The following SENP7 variants were observed in gnomAD, a reference collection of about 807,000 sequenced individuals.
SENP7 encodes sentrin-specific protease 7.
SENP7 carries 64 observed loss-of-function variants against 141.2 expected under a neutral mutation model. The observed-to-expected ratio is 0.45, with a 90% confidence interval of 0.37 to 0.56. The LOEUF (loss-of-function observed/expected upper bound fraction) is 0.56, where lower values mean the gene tolerates loss of function less well. Ranked by LOEUF, SENP7 falls within the 20% of genes least tolerant of loss-of-function variation. The pLI is 0.00. For missense variants in SENP7, 1,025 were observed against 1,212.2 expected (o/e 0.85, Z 2.29); for synonymous variants, 382 against 426.4 (o/e 0.90, Z 1.28).
intron 3 of SENP7, among the ~76,000 whole-genome samples, chr3:101,467,699 G>A (rs561405957): frequency 1.1e-4 from 17 of 152,256 alleles, no homozygotes; most frequent in African/African-American, 4.1e-4. Flanking sequence ...AACCTCATCT[G>A]TAGGTCACCA....
At chr3:101,348,101 A>G (rs372582921) in intron 12 of SENP7, 50 bp from the exon 13 acceptor site, 5 of 1,273,134 alleles carry the variant, frequency 3.9e-6, no homozygotes, top group Non-Finnish European at 4.3e-6. Flanking sequence ...ATTTAAGAAT[A>G]CACCACTTAA....
In SENP7 at chr3:101,364,848, A is replaced by G. The variant is rs1327889101; in HGVS notation, c.1462T>C (p.Cys488Arg). ...SALLELPLIT[C>R]ESVQMSSELC... ...AAATAAATTACCTGTACAGATTCAC[A>G]TGTAATCAATGGTAGTTCTAACAAT... The change falls in exon 10 of 24, where the codon TGT (cysteine) becomes CGT (arginine). Residue 488 changes from cysteine to arginine, a missense_variant. Coordinates refer to ENST00000394095, the MANE Select transcript of SENP7 (RefSeq NM_020654.5). 7 of 1,594,274 alleles carry G rather than the reference A, an allele frequency of 4.4e-6. No homozygotes were observed. The highest frequency in any genetic ancestry group is 6.0e-6 in the Non-Finnish European group (7 of 1,169,308).
intron 11 of SENP7, chr3:101,359,375 T>TTA (rs2059830573): frequency 6.7e-6 from 1 of 149,546 alleles, no homozygotes; most frequent in Non-Finnish European, 1.5e-5. Context: ...TCTAGAAAAT[T>TTA]TATATATAAT....
At chr3:101,435,715 A>G (rs975200145) in intron 4 of SENP7, among the ~76,000 whole-genome samples, 11 of 152,160 alleles carry the variant, frequency 7.2e-5, no homozygotes, top group Non-Finnish European at 7.4e-5. Flanking sequence ...CTAGGAATTA[A>G]CCAAAGAAGG....
At chr3:101,487,562 A>G (rs1352425543) in intron 3 of SENP7, among the ~76,000 whole-genome samples, 1 of 152,174 alleles carries the variant, frequency 6.6e-6, no homozygotes, top group Non-Finnish European at 1.5e-5. Context: ...GGTATTTCCT[A>G]GGTATTTTTC....
intron 4 of SENP7, among the ~76,000 whole-genome samples, chr3:101,451,269 C>T (rs2063123172): frequency 6.6e-6 from 1 of 152,136 alleles, no homozygotes; most frequent in Non-Finnish European, 1.5e-5. Flanking sequence ...GGATTCACAG[C>T]CGAATTCTAC....
In SENP7 at chr3:101,380,445, C is replaced by CCCGACA. The variant is rs58844573; in HGVS notation, c.678-8320_678-8319insTGTCGG. Reference sequence around the variant, plus strand: ...GTAAAGCAAACCACCGCCCCCCCCCCCACACACACACACAAAACAAAACAT... The same window carrying CCCGACA: ...GTAAAGCAAACCACCGCCCCCCCCCCCCGACACACACACACACACAAAACAAAACAT... On this transcript the variant is annotated intron_variant, in intron 6 of 23. Coordinates refer to ENST00000394095, the MANE Select transcript of SENP7 (RefSeq NM_020654.5). 2.6e-4 allele frequency among the ~76,000 whole-genome samples: 33 copies of CCCGACA among 128,822 alleles called. 1 individual carries two copies. Among genetic ancestry groups the CCCGACA allele is most frequent in the African/African-American group, 9.0e-4 (32 of 35,434 alleles). 84.5% of individuals were successfully genotyped at this position (128,822 alleles called of 152,430 possible).
At chr3:101,462,467 G>C (rs1189488231) in intron 3 of SENP7, among the ~76,000 whole-genome samples, 1 of 152,090 alleles carries the variant, frequency 6.6e-6, no homozygotes, top group Admixed American at 6.6e-5. Context: ...CTTGAACCCA[G>C]GAGGTGGAGG....
intron 3 of SENP7, among the ~76,000 whole-genome samples, chr3:101,486,144 T>C (rs1292531218): frequency 6.6e-6 from 1 of 152,032 alleles, no homozygotes; most frequent in Non-Finnish European, 1.5e-5. Context: ...ATAATCAGTG[T>C]TGCTGAGGAA....
At chr3:101,478,293 G>A (rs981357528) in intron 3 of SENP7, among the ~76,000 whole-genome samples, 3 of 152,230 alleles carry the variant, frequency 2.0e-5, no homozygotes, top group Non-Finnish European at 4.4e-5. Flanking sequence ...CAAGTTGGGA[G>A]GACTGCTTGA....
intron 3 of SENP7, among the ~76,000 whole-genome samples, chr3:101,472,171 T>A (rs2064025671): frequency 6.6e-6 from 1 of 152,244 alleles, no homozygotes; most frequent in Non-Finnish European, 1.5e-5. Context: ...CAAAGGATTA[T>A]AAATCATGCT....
chr3:101,471,207 A>C (rs1046856227), intron 3 of SENP7, among the ~76,000 whole-genome samples: 29 of 152,298 alleles, frequency 1.9e-4, no homozygotes, highest in Middle Eastern at 3.4e-3. Context: ...AATCCTAAGC[A>C]AAAAGAACAA....
In SENP7 at chr3:101,469,830, CAA is replaced by C. The variant is rs58498056; in HGVS notation, c.187-10780_187-10779del. 5.3e-4 allele frequency among the ~76,000 whole-genome samples: 13 copies of C among 24,732 alleles called. 1 individual carries two copies. The highest frequency in any genetic ancestry group is 1.3e-3 in the African/African-American group (9 of 6,882). The allele number at this position is 24,732 out of a possible 152,430, so 16.2% of individuals were successfully genotyped here. On this transcript the variant is annotated intron_variant, in intron 3 of 23. Transcript: ENST00000394095. ...TGGGCGACAGAGCAAGACTCCGTCT[CAA>C]AAAAAAAAAAAAAAAAAAAAGAACA... is the stretch of plus-strand genomic sequence containing the variant.
At chr3:101,367,744 C>G (rs1487311767) in intron 8 of SENP7, 86 bp downstream of exon 8, 1 of 821,750 alleles carries the variant, frequency 1.2e-6, no homozygotes, top group Non-Finnish European at 1.9e-6. Flanking sequence ...AAGCTGAAAG[C>G]TAGAGGAACA....
At chr3:101,408,353 A>G (rs1202279183) in intron 5 of SENP7, among the ~76,000 whole-genome samples, 2 of 152,186 alleles carry the variant, frequency 1.3e-5, no homozygotes, top group East Asian at 1.9e-4. Flanking sequence ...TCTACTGGAC[A>G]TTCAAAGAAA....
chr3:101,461,076 T>C (rs1044484269), intron 3 of SENP7, among the ~76,000 whole-genome samples: 1 of 152,032 alleles, frequency 6.6e-6, no homozygotes, highest in Non-Finnish European at 1.5e-5. Context: ...AAAAGCACAT[T>C]AGAAGACACT....
intron 20 of SENP7, among the ~76,000 whole-genome samples, chr3:101,329,964 A>G (rs559436833): frequency 6.6e-6 from 1 of 151,704 alleles, no homozygotes; most frequent in East Asian, 1.9e-4. Context: ...AAGAAAAAAA[A>G]AAAAAAGGAA....
At position 101,332,835 on chromosome 3, in the gene SENP7, T is replaced by C. The variant is rs775854843; in HGVS notation, c.2508A>G (p.Val836=). Residue 836 remains valine, a synonymous_variant, in exon 18 of 24, where the codon GTA becomes GTG. Transcript: ENST00000394095. ...LSMAQRRHKR[V]RTWTRHINIF... ...TGTTTATGTGACGAGTCCATGTTCT[T>C]ACTCTTTTATGTCTTCTCTGTGCCA... The C allele has an allele frequency of 9.5e-6, 15 of 1,578,854 alleles. No individual in the cohort carries two copies. Among genetic ancestry groups the C allele is most frequent in the Non-Finnish European group, 1.2e-5 (14 of 1,166,622 alleles).
chr3:101,350,532 G>T (rs998639602), intron 12 of SENP7, among the ~76,000 whole-genome samples: 6 of 151,908 alleles, frequency 3.9e-5, no homozygotes, highest in Non-Finnish European at 8.8e-5. Context: ...TCACTGAAGA[G>T]AGTATTTTTC....
Sources: gnomAD v4.1 joint callset for allele counts (sites outside exome capture counted in the v4.1 genomes callset) on GRCh38, gnomAD v4.1.1 for gene constraint, MANE v1.5 for transcripts, NCBI Gene and HGNC (gene_info 2026-07-23, HGNC 2026-07-21) for gene names.